The following PTPN4 variants were observed in gnomAD, a reference collection of about 807,000 sequenced individuals.
The protein encoded by PTPN4 is protein tyrosine phosphatase non-receptor type 4.
PTPN4 carries 49 observed loss-of-function variants against 135.5 expected under a neutral mutation model. The ratio of observed to expected loss-of-function variants is 0.36; its 90% CI spans 0.29 to 0.46. PTPN4 has a LOEUF of 0.46. PTPN4 is among the 20% of genes least tolerant of loss of function. PTPN4 has a pLI of 1.00. For missense variants in PTPN4, 860 were observed against 1,101.0 expected, an observed-to-expected ratio of 0.78 and a Z score of 3.10; for synonymous variants, 333 against 369.9, an observed-to-expected ratio of 0.90 and a Z score of 1.14.
intron 1 of PTPN4, among the ~76,000 whole-genome samples, chr2:119,794,669 C>T (rs1691220428): frequency 6.6e-6 from 1 of 152,162 alleles, no homozygotes; most frequent in Non-Finnish European, 1.5e-5. Flanking sequence ...GGTCTGGGCT[C>T]CCTGAAGGGC....
At chr2:119,938,785 A>G in intron 15 of PTPN4, among the ~76,000 whole-genome samples, 1 of 151,918 alleles carries the variant, frequency 6.6e-6, no homozygotes, top group East Asian at 1.9e-4. Context: ...GCTTATTAGC[A>G]TTTATCTGTT....
chr2:119,885,867 A>G lies in PTPN4; in HGVS notation c.660A>G (p.Glu220=). The G allele has an allele frequency of 6.3e-7, 1 of 1,598,908 alleles. No homozygotes were observed. Among genetic ancestry groups the G allele is most frequent in the African/African-American group, 1.3e-5 (1 of 74,370 alleles). The stretch of plus-strand genomic sequence containing the variant: ...GTACCTTAGAACTCTATGGAGTTGA[A>G]TTCCACTATGCAAGGGTAAGTGAAG... The part of the protein sequence containing the change: ...TARTLELYGV[E]FHYARDQSNN... The change falls in exon 9 of 27, where the codon GAA becomes GAG. Residue 220 remains glutamate (E), a synonymous_variant. Coordinates refer to ENST00000263708, the MANE Select transcript of PTPN4 (RefSeq NM_002830.4).
At chr2:119,969,187 A>G (rs1169928207) in intron 26 of PTPN4, among the ~76,000 whole-genome samples, 2 of 151,584 alleles carry the variant, frequency 1.3e-5, no homozygotes, top group Non-Finnish European at 2.9e-5. Flanking sequence ...AATTTTTTTT[A>G]TTTTTTGTAG....
chr2:119,878,430 T>C (rs2104999088), intron 5 of PTPN4, among the ~76,000 whole-genome samples: 1 of 152,302 alleles, frequency 6.6e-6, no homozygotes, highest in South Asian at 2.1e-4. Flanking sequence ...AGAATTACTC[T>C]AAAAGATAGG....
intron 1 of PTPN4, among the ~76,000 whole-genome samples, chr2:119,766,657 T>G (rs1690636690): frequency 6.6e-6 from 1 of 152,136 alleles, no homozygotes; most frequent in South Asian, 2.1e-4. Context: ...GAAAGGTAAC[T>G]CCTGACTTCT....
At chr2:119,826,577 G>T (rs1396449238) in intron 2 of PTPN4, among the ~76,000 whole-genome samples, 1 of 152,188 alleles carries the variant, frequency 6.6e-6, no homozygotes, top group Non-Finnish European at 1.5e-5. Flanking sequence ...TAGAAGCCAA[G>T]GATGCTGCTA....
At chr2:119,975,004 G>C (rs962806949) in intron 26 of PTPN4, among the ~76,000 whole-genome samples, 1 of 152,100 alleles carries the variant, frequency 6.6e-6, no homozygotes, top group Non-Finnish European at 1.5e-5. Context: ...ACTATAAACA[G>C]TATGGCTAAT....
chr2:119,802,180 G>A (rs377067319), intron 1 of PTPN4, among the ~76,000 whole-genome samples: 4 of 152,204 alleles, frequency 2.6e-5, no homozygotes, highest in South Asian at 2.1e-4. Context: ...TGGGATTACC[G>A]GCCACCGTGC....
At chr2:119,892,201 A>AGCTTCT (rs1678250850) in intron 9 of PTPN4, among the ~76,000 whole-genome samples, 2 of 152,234 alleles carry the variant, frequency 1.3e-5, no homozygotes, top group African/African-American at 4.8e-5. Context: ...TATTGATAGA[A>AGCTTCT]GTCAGAATAG....
intron 26 of PTPN4, among the ~76,000 whole-genome samples, chr2:119,975,635 G>T (rs967527089): frequency 2.6e-5 from 4 of 152,132 alleles, no homozygotes; most frequent in Non-Finnish European, 4.4e-5. Context: ...TGAGGCAGGA[G>T]ACTCTCTTGA....
intron 11 of PTPN4, among the ~76,000 whole-genome samples, chr2:119,917,787 G>T (rs1429511836): frequency 6.6e-6 from 1 of 152,044 alleles, no homozygotes; most frequent in Non-Finnish European, 1.5e-5. Flanking sequence ...TCTGCAAAAG[G>T]TGGCCTTGTT....
chr2:119,877,204 C>G (rs1677997399), intron 3 of PTPN4, 119 bp from the exon 4 acceptor site: 2 of 1,052,544 alleles, frequency 1.9e-6, no homozygotes, highest in Non-Finnish European at 2.7e-6. Flanking sequence ...TTTTTCCTAC[C>G]TGGGCCTTTT....
At chr2:119,788,722 C>G (rs538180594) in intron 1 of PTPN4, among the ~76,000 whole-genome samples, 1 of 152,158 alleles carries the variant, frequency 6.6e-6, no homozygotes, top group Admixed American at 6.5e-5. Flanking sequence ...CATAATGTCT[C>G]AAGGTTCATC....
At position 119,952,784 on chromosome 2, in the gene PTPN4, G is replaced by A. The variant is rs564262922; in HGVS notation, c.1813+655G>A. Among the ~76,000 whole-genome samples the A allele has an allele frequency of 8.5e-5, 13 of 152,278 alleles. No individual in the cohort carries two copies. The South Asian group carries it at 1.0e-3, about 12-fold the overall frequency. On this transcript the variant is annotated intron_variant, in intron 19 of 26. Coordinates refer to ENST00000263708, the MANE Select transcript of PTPN4 (RefSeq NM_002830.4). ...CAGGTTTGGAGAAAACTTGAATGCC[G>A]TAAGCTCTAGCTCTTTGGCTAATTG...
intron 1 of PTPN4, among the ~76,000 whole-genome samples, chr2:119,766,907 A>G (rs1690640623): frequency 6.6e-6 from 1 of 152,194 alleles, no homozygotes; most frequent in Non-Finnish European, 1.5e-5. Flanking sequence ...TCCCTTCTTT[A>G]GCAAGGGAAG....
intron 10 of PTPN4, among the ~76,000 whole-genome samples, chr2:119,907,001 G>T (rs1678499291): frequency 6.6e-6 from 1 of 152,124 alleles, no homozygotes; most frequent in Admixed American, 6.5e-5. Flanking sequence ...CATCTGTTAC[G>T]TTTCTGTACA....
chr2:119,917,642 A>G (rs977719693), intron 11 of PTPN4, among the ~76,000 whole-genome samples: 12 of 152,006 alleles, frequency 7.9e-5, no homozygotes, highest in Non-Finnish European at 1.3e-4. Flanking sequence ...AGGCACAAGA[A>G]TCTCTTGAAC....
Position 119,778,562 on chromosome 2 carries a change from G to A in PTPN4, c.-18+18178G>A, listed in dbSNP as rs560637032. Among the ~76,000 whole-genome samples, 11 of 152,254 alleles carry A rather than the reference G, an allele frequency of 7.2e-5. No homozygotes were observed. The East Asian group carries it at 2.1e-3, about 29-fold the overall frequency. ...AGAGAACTCTGTAGGGCCTTAGTGG[G>A]TCGGGAGTGTGTTTCTTTCTTGCAC... On this transcript the variant is annotated intron_variant, in intron 1 of 26. Transcript: ENST00000263708.
At chr2:119,761,571 CTG>C (rs960467873) in intron 1 of PTPN4, among the ~76,000 whole-genome samples, 16 of 152,270 alleles carry the variant, frequency 1.1e-4, no homozygotes, top group African/African-American at 3.4e-4. Context: ...GTGGACATCA[CTG>C]TTTTTTTGTT....
Sources: gnomAD v4.1 joint callset for allele counts (sites outside exome capture counted in the v4.1 genomes callset) on GRCh38, gnomAD v4.1.1 for gene constraint, MANE v1.5 for transcripts, NCBI Gene and HGNC (gene_info 2026-07-23, HGNC 2026-07-21) for gene names.